TMEM131L: variants seen among roughly 807,000 people sequenced by gnomAD.
TMEM131L encodes transmembrane protein 131-like.
In TMEM131L, 54 loss-of-function variants were observed where a neutral mutation model predicts 192.2. The ratio of observed to expected loss-of-function variants is 0.28; its 90% CI spans 0.23 to 0.35. TMEM131L has a LOEUF of 0.35. Among genes scored for constraint, TMEM131L ranks in the 10% least tolerant of loss-of-function variants. TMEM131L has a pLI of 1.00. For synonymous variants in TMEM131L, 701 were observed against 704.9 expected (o/e 0.99, Z 0.09); for missense variants, 1,888 against 1,972.9 (o/e 0.96, Z 0.82).
chr4:153,613,105 A>G (rs769569375), intron 26 of TMEM131L, among the ~76,000 whole-genome samples: 6 of 152,220 alleles, frequency 3.9e-5, no homozygotes, highest in Non-Finnish European at 8.8e-5. Context: ...AGCCAAGTTA[A>G]TACTCAAGTA....
intron 7 of TMEM131L, among the ~76,000 whole-genome samples, chr4:153,577,563 T>G (rs1578784657): frequency 6.6e-6 from 1 of 152,204 alleles, no homozygotes; most frequent in African/African-American, 2.4e-5. Flanking sequence ...GGCATGGCTG[T>G]GTTCCAATAA....
intron 3 of TMEM131L, among the ~76,000 whole-genome samples, chr4:153,548,660 A>G (rs903084181): frequency 6.6e-6 from 1 of 152,210 alleles, no homozygotes; most frequent in Non-Finnish European, 1.5e-5. Context: ...AGGTACAAAC[A>G]GACTATAATG....
At chr4:153,622,394 C>T (rs916543536) in intron 28 of TMEM131L, among the ~76,000 whole-genome samples, 4 of 152,220 alleles carry the variant, frequency 2.6e-5, no homozygotes, top group Admixed American at 6.5e-5. Flanking sequence ...ACGCATGCCC[C>T]ATGTCCCGAC....
chr4:153,554,483 T>G (rs922266411), intron 4 of TMEM131L, among the ~76,000 whole-genome samples: 3 of 152,204 alleles, frequency 2.0e-5, no homozygotes, highest in African/African-American at 7.2e-5. Context: ...ATGGTAGTAA[T>G]ACAGTATTTT....
At position 153,585,630 on chromosome 4, in the gene TMEM131L, C is replaced by G; in HGVS notation, c.1311+19C>G. ...GTTAAAGGTACATATAGTATTTTTT[C>G]CCCAAGTTTTAGCTTATTTTAAGCT... On this transcript the variant is annotated intron_variant, in intron 13 of 34. Coordinates refer to ENST00000409959, the MANE Select transcript of TMEM131L (RefSeq NM_001131007.2). 6.4e-7 allele frequency: 1 copy of G among 1,556,488 alleles called. No homozygotes were observed. Among genetic ancestry groups the G allele is most frequent in the Non-Finnish European group, 8.7e-7 (1 of 1,147,522 alleles).
At chr4:153,631,872 C>T (rs193227639) in intron 31 of TMEM131L, among the ~76,000 whole-genome samples, 48 of 152,334 alleles carry the variant, frequency 3.2e-4, no homozygotes, top group African/African-American at 9.6e-4. Flanking sequence ...GTTTGAACTC[C>T]CCAGGCACAC....
At chr4:153,509,871 T>C (rs964918182) in intron 3 of TMEM131L, among the ~76,000 whole-genome samples, 1 of 152,138 alleles carries the variant, frequency 6.6e-6, no homozygotes, top group African/African-American at 2.4e-5. Context: ...ATGGACAGAG[T>C]TGGAAATCGC....
rs375214010 is a variant in TMEM131L at position 153,533,220 on chromosome 4, C to G, written c.240-16853C>G. On this transcript the variant is annotated intron_variant, in intron 3 of 34. Transcript: ENST00000409959. Reference sequence around the variant, plus strand: ...GGCTGGTCTCGAACTCCCGACCTCACTTTATCCACCCGCCTTGGCCTCCCA... The same window carrying G: ...GGCTGGTCTCGAACTCCCGACCTCAGTTTATCCACCCGCCTTGGCCTCCCA... Among the ~76,000 whole-genome samples, 5 of 152,198 alleles carry G rather than the reference C, an allele frequency of 3.3e-5. No homozygotes were observed. In the East Asian group the frequency reaches 7.7e-4, roughly 24 times the overall value.
chr4:153,604,691 A>T (rs1193801397), intron 25 of TMEM131L, among the ~76,000 whole-genome samples: 1 of 152,076 alleles, frequency 6.6e-6, no homozygotes, highest in Non-Finnish European at 1.5e-5. Context: ...GGACATGGAC[A>T]CCTTTTTCTA....
intron 3 of TMEM131L, among the ~76,000 whole-genome samples, chr4:153,480,767 G>A (rs1731886404): frequency 6.6e-6 from 1 of 152,126 alleles, no homozygotes; most frequent in Admixed American, 6.5e-5. Context: ...CTATATAGAA[G>A]GAAGTTGAAC....
At chr4:153,600,157 G>A (rs11734584) in intron 21 of TMEM131L, among the ~76,000 whole-genome samples, 40,415 of 152,020 alleles carry the variant, frequency 0.27, 5,604 homozygotes, top group Non-Finnish European at 0.31. Flanking sequence ...TTGAGCTCAG[G>A]AATTTGAGAC....
In TMEM131L at chr4:153,596,280, G is replaced by C. The variant is rs145842905; in HGVS notation, c.2018G>C (p.Arg673Thr). 136 of 1,613,818 alleles carry C rather than the reference G, an allele frequency of 8.4e-5. No individual in the cohort carries two copies. Among genetic ancestry groups the C allele is most frequent in the Non-Finnish European group, 1.1e-4 (127 of 1,179,854 alleles). ...CAGGGTACGCATTCTGAGGAATCCA[G>C]GTTTGGCATCCTCCACTTACATCTG... is the stretch of plus-strand genomic sequence containing the variant. Reference protein sequence around the residue: ...PYLGTHSEESRFGILHLHLQP... With the variant: ...PYLGTHSEESTFGILHLHLQP... Residue 673 changes from arginine to threonine, a missense_variant, in exon 20 of 35, where the codon AGG becomes ACG. Arg to Thr is a moderately conservative substitution (Grantham distance 71). Transcript: ENST00000409959.
chr4:153,617,962 T>C (rs1468335810), intron 26 of TMEM131L, among the ~76,000 whole-genome samples: 2 of 152,172 alleles, frequency 1.3e-5, no homozygotes, highest in Non-Finnish European at 2.9e-5. Flanking sequence ...AAGAGCACTT[T>C]CTGTGTTAAA....
At chr4:153,474,361 C>T (rs545420915) in intron 3 of TMEM131L, among the ~76,000 whole-genome samples, 25 of 152,170 alleles carry the variant, frequency 1.6e-4, no homozygotes, top group Non-Finnish European at 3.7e-4. Flanking sequence ...GACATTCCAG[C>T]TGAAGCCTGG....
chr4:153,500,815 G>GCA (rs369546140), intron 3 of TMEM131L, among the ~76,000 whole-genome samples: 21 of 151,998 alleles, frequency 1.4e-4, no homozygotes, highest in African/African-American at 3.6e-4. Flanking sequence ...ACGCGTGCAT[G>GCA]CACACACACA....
intron 19 of TMEM131L, 92 bp downstream of exon 19, chr4:153,593,963 TA>T: frequency 1.2e-6 from 1 of 828,026 alleles, no homozygotes; most frequent in Non-Finnish European, 2.1e-6. Context: ...AAATGTCTTT[TA>T]TTTACTATAT....
chr4:153,590,832 C>CTGT (rs112087933), intron 16 of TMEM131L, among the ~76,000 whole-genome samples: 40,521 of 151,794 alleles, frequency 0.27, 5,745 homozygotes, highest in Non-Finnish European at 0.33. Flanking sequence ...TTGACATGTT[C>CTGT]TGTTGTTTGA....
chr4:153,572,740 T>G (rs898496234), intron 7 of TMEM131L, among the ~76,000 whole-genome samples: 1 of 152,234 alleles, frequency 6.6e-6, no homozygotes, highest in Admixed American at 6.5e-5. Context: ...TTTCACCATT[T>G]GTATGCGTAC....
In TMEM131L at chr4:153,466,404, G is replaced by C; in HGVS notation, c.7G>C (p.Gly3Arg). The C allele has an allele frequency of 7.4e-7, 1 of 1,342,434 alleles. No individual in the cohort carries two copies. Among genetic ancestry groups the C allele is most frequent in the Non-Finnish European group, 9.6e-7 (1 of 1,041,874 alleles). The allele number at this position is 1,342,434 out of a possible 1,614,324, so 83.2% of individuals were successfully genotyped here. MA[G>R]LRRPQPGCYC... ...GAGGAGCGCGAGCAGCAGCATGGCG[G>C]GGCTCCGACGCCCGCAGCCCGGCTG... is the stretch of plus-strand genomic sequence containing the variant. The change falls in exon 1 of 35, where the codon GGG becomes CGG. Residue 3 changes from glycine to arginine, a missense_variant. By Grantham distance (125) the Gly-to-Arg change is moderately radical (BLOSUM62 -2). Coordinates refer to ENST00000409959, the MANE Select transcript of TMEM131L (RefSeq NM_001131007.2).
Sources: allele counts gnomAD v4.1 joint callset (sites outside exome capture counted in the v4.1 genomes callset), GRCh38; gene constraint gnomAD v4.1.1; transcripts MANE v1.5; gene names NCBI Gene and HGNC (gene_info 2026-07-23, HGNC 2026-07-21).